The following SHANK1 variants were observed in gnomAD, a reference collection of about 807,000 sequenced individuals.
SHANK1 encodes the protein SH3 and multiple ankyrin repeat domains 1.
A neutral mutation model predicts 165.6 loss-of-function variants in SHANK1; 35 were observed. The observed-to-expected ratio is 0.21, with a 90% CI of 0.16 to 0.28. SHANK1 has a LOEUF of 0.28. Ranked by LOEUF, SHANK1 falls within the 10% of genes least tolerant of loss-of-function variation. The pLI is 1.00. For missense variants in SHANK1, 2,681 were observed against 3,036.4 expected (o/e 0.88, Z 2.75); for synonymous variants, 1,428 against 1,384.8 (o/e 1.03, Z -0.69).
Position 50,668,650 on chromosome 19 carries a change from G to A in SHANK1, c.3310C>T (p.Arg1104Cys). 1.5e-6 allele frequency: 2 copies of A among 1,363,674 alleles called. No homozygotes were observed. The highest frequency in any genetic ancestry group is 3.2e-5 in the East Asian group (1 of 31,344). 84.5% of individuals were successfully genotyped at this position (1,363,674 alleles called of 1,614,324 possible). ...TTGACCAGCGGGCCCTTGCGGCCGC[G>A]GCCCGAGCGGGCGGGCACGTACATG... is the stretch of plus-strand genomic sequence containing the variant. ...AAMYVPARSG[R>C]GRKGPLVKQT... Residue 1104 changes from arginine (R) to cysteine (C), a missense_variant, in exon 23 of 24, where the codon CGC (arginine) becomes TGC (cysteine). By Grantham distance (180) the Arg-to-Cys change is radical. Coordinates refer to ENST00000293441, the MANE Select transcript of SHANK1 (RefSeq NM_016148.5).
At chr19:50,689,301 TG>T (rs750168791) in intron 15 of SHANK1, 22 bp from the exon 16 acceptor site, 29 of 756,096 alleles carry the variant, frequency 3.8e-5, no homozygotes, top group Admixed American at 2.3e-4. Flanking sequence ...GCAGGAGAAA[TG>T]GGGGGGTGGT....
intron 8 of SHANK1, among the ~76,000 whole-genome samples, chr19:50,707,881 CTTTTCTTTTCTTTTCTTT>C (rs2088959350): frequency 3.9e-4 from 1 of 2,596 alleles, no homozygotes; most frequent in African/African-American, 2.8e-3. Context: ...GCGTGTTTTT[CTTTTCTTTTCTTTTCTTT>C]TCTTTTCTTT....
chr19:50,686,601 C>T lies in SHANK1; in HGVS notation c.2458+143G>A. 3.1e-6 allele frequency: 2 copies of T among 649,338 alleles called. No homozygotes were observed. The highest frequency in any genetic ancestry group is 2.9e-5 in the Admixed American group (1 of 34,820). 40.2% of individuals were successfully genotyped at this position (649,338 alleles called of 1,614,324 possible). On this transcript the variant is annotated intron_variant, in intron 20 of 23. Coordinates refer to ENST00000293441, the MANE Select transcript of SHANK1 (RefSeq NM_016148.5). This position sits in a 1 kb window ranked among gnomAD's most constrained non-coding sequence, Gnocchi z 5.7. ...GAACGGGGCAGCCGTCGGGAGAGGG[C>T]GGGCGGAGGGAGGGGAGGTGGGATC...
intron 15 of SHANK1, among the ~76,000 whole-genome samples, chr19:50,695,774 C>T (rs965796342): frequency 5.3e-5 from 8 of 152,110 alleles, no homozygotes; most frequent in African/African-American, 1.9e-4. Context: ...TCAGACTGGG[C>T]CCCAAGGCCA....
rs1199168324 is a variant in SHANK1 at position 50,666,850 on chromosome 19, C to T, written c.5110G>A (p.Gly1704Ser). 1 of 1,560,516 alleles carries T rather than the reference C, an allele frequency of 6.4e-7. No individual in the cohort carries two copies. The change falls in exon 23 of 24, where the codon GGT (glycine) becomes AGT (serine). Residue 1704 changes from glycine to serine, a missense_variant. Coordinates refer to ENST00000293441, the MANE Select transcript of SHANK1 (RefSeq NM_016148.5). ...CCCCCACCCCCTGCGCTGCCACCAC[C>T]TTCGGCAGATAGGCTGCTCAGCGTG... is the stretch of plus-strand genomic sequence containing the variant. ...ASTLSSLSAEGGGSAGGGGGA... is the reference protein window; with the variant it reads ...ASTLSSLSAESGGSAGGGGGA...
intron 23 of SHANK1, among the ~76,000 whole-genome samples, chr19:50,665,990 A>G (rs551580179): frequency 1.1e-4 from 17 of 151,610 alleles, no homozygotes; most frequent in Middle Eastern, 3.4e-3. Flanking sequence ...CAGCCTGGGC[A>G]ACAAGAGTGA....
rs1038111798 is a variant in SHANK1, at chr19:50,697,379, C to T, written c.1937+210G>A. Among the ~76,000 whole-genome samples the T allele has an allele frequency of 2.0e-5, 3 of 152,194 alleles. No individual in the cohort carries two copies. The highest frequency in any genetic ancestry group is 4.4e-5 in the Non-Finnish European group (3 of 68,030). Reference sequence around the variant, plus strand: ...GACCACCCCGTTGTCTCTGGCTACCCCAGAGCTGGGCAGTCTTAGTGGCTG... The same window carrying T: ...GACCACCCCGTTGTCTCTGGCTACCTCAGAGCTGGGCAGTCTTAGTGGCTG... On this transcript the variant is annotated intron_variant, in intron 14 of 23. Coordinates refer to ENST00000293441, the MANE Select transcript of SHANK1 (RefSeq NM_016148.5). This position sits in a 1 kb window ranked among gnomAD's most constrained non-coding sequence, Gnocchi z 4.7.
At position 50,697,291 on chromosome 19, in the gene SHANK1, A is replaced by G. The variant is rs1035999206; in HGVS notation, c.1938-169T>C. ...AGAGATGGGGCACATGAAGGAGACA[A>G]GGGCCTCCAGCCAGCCAGACATAAG... On this transcript the variant is annotated intron_variant, in intron 14 of 23. Transcript: ENST00000293441. This position sits in a 1 kb window ranked among gnomAD's most constrained non-coding sequence, Gnocchi z 4.7. Among the ~76,000 whole-genome samples, 1 of 151,370 alleles carries G rather than the reference A, an allele frequency of 6.6e-6. No individual in the cohort carries two copies. Among genetic ancestry groups the G allele is most frequent in the Admixed American group, 6.6e-5 (1 of 15,220 alleles).
intron 15 of SHANK1, 189 bp from the exon 16 acceptor site, chr19:50,689,468 A>G: frequency 2.9e-6 from 2 of 697,464 alleles, no homozygotes; most frequent in Non-Finnish European, 5.3e-6. Context: ...TCCCCCTCAG[A>G]GCCGGCATGC....
chr19:50,698,011 A>G (rs1459520729), intron 12 of SHANK1, 55 bp from the exon 13 acceptor site: 85 of 1,224,172 alleles, frequency 6.9e-5, no homozygotes, highest in Non-Finnish European at 4.7e-6. Context: ...CTGCCCCTCA[A>G]CTGCCAACAC....
chr19:50,668,472 G>A lies in SHANK1; in HGVS notation c.3488C>T (p.Pro1163Leu). 1 of 1,339,252 alleles carries A rather than the reference G, an allele frequency of 7.5e-7. No individual in the cohort carries two copies. Among genetic ancestry groups the A allele is most frequent in the Non-Finnish European group, 9.6e-7 (1 of 1,043,782 alleles). 83.0% of individuals were successfully genotyped at this position (1,339,252 alleles called of 1,614,324 possible). The change falls in exon 23 of 24, where the codon CCG becomes CTG. Residue 1163 changes from proline to leucine, a missense_variant. Physicochemically the swap from Pro to Leu is moderately conservative, Grantham distance 98. This residue lies in a region of SHANK1 where 1,713 missense variants were observed against 1,630.2 expected (regional missense o/e 1.05). Coordinates refer to ENST00000293441, the MANE Select transcript of SHANK1 (RefSeq NM_016148.5). ...IPIPTIIIKAPSTSSSGRSSQ... is the reference protein window; with the variant it reads ...IPIPTIIIKALSTSSSGRSSQ... ...GCTGCGGCCGCTGCTACTGGTGGACGGGGCCTTGATGATGATGGTGGGGAT... is the reference window on the plus strand; with the variant it reads ...GCTGCGGCCGCTGCTACTGGTGGACAGGGCCTTGATGATGATGGTGGGGAT...
Position 50,688,547 on chromosome 19 carries a change from A to G in SHANK1, c.2172+297T>C, listed in dbSNP as rs374261172. Among the ~76,000 whole-genome samples the G allele has an allele frequency of 2.0e-5, 3 of 152,074 alleles. No individual in the cohort carries two copies. The highest frequency in any genetic ancestry group is 3.9e-4 in the East Asian group (2 of 5,168). ...GGTCTCAAACTCTTGAGTTCAAGCA[A>G]TCCACCTGCTTCAGCCTCCCAAAGC... On this transcript the variant is annotated intron_variant, in intron 17 of 23. Transcript: ENST00000293441. The surrounding 1 kb of genome is among the most constrained non-coding windows in gnomAD (Gnocchi z 6.7).
chr19:50,710,405 T>C (rs2088993801), intron 8 of SHANK1, among the ~76,000 whole-genome samples: 2 of 152,190 alleles, frequency 1.3e-5, no homozygotes, highest in Admixed American at 6.5e-5. Context: ...AGCTCTGTCA[T>C]GCTAGCGCCT....
rs1986459623 is a variant in SHANK1, at chr19:50,689,143, C to T, written c.2047+54G>A. The T allele has an allele frequency of 2.8e-6, 4 of 1,444,246 alleles. No individual in the cohort carries two copies. In the East Asian group the frequency reaches 9.1e-5, roughly 33 times the overall value. The allele number at this position is 1,444,246 out of a possible 1,614,324, so 89.5% of individuals were successfully genotyped here. ...CCCTTTCCAGCCCCCATTTTCAGCC[C>T]TGCTTCTGGGGTCACAGAGCCCTTC... On this transcript the variant is annotated intron_variant, in intron 16 of 23. Transcript: ENST00000293441.
rs758566474 is a variant in SHANK1, at chr19:50,667,576, G to C, written c.4384C>G (p.Leu1462Val). ...TGCGGGGCCGGGGGCTCCGTCCCCA[G>C]CTGCAGCAGGAGGGGCCCCACCCCG... The part of the protein sequence containing the change: ...APGVGPLLLQ[L>V]GTEPPAPHPG... Residue 1462 changes from leucine to valine, a missense_variant, in exon 23 of 24, where the codon CTG becomes GTG. Leu to Val is a conservative substitution (Grantham distance 32). This residue lies in a region of SHANK1 where 1,713 missense variants were observed against 1,630.2 expected (regional missense o/e 1.05). Transcript: ENST00000293441. The surrounding 1 kb of genome is among the most constrained non-coding windows in gnomAD (Gnocchi z 5.7). 1.4e-6 allele frequency: 2 copies of C among 1,446,746 alleles called. No homozygotes were observed. The highest frequency in any genetic ancestry group is 2.9e-5 in the South Asian group (2 of 68,562). 89.6% of individuals were successfully genotyped at this position (1,446,746 alleles called of 1,614,324 possible).
rs1985111554 is a variant in SHANK1, at chr19:50,659,674, TTCTTTTGTTATTGTTCC to T, written c.*2274_*2290del. On this transcript the variant is annotated 3_prime_UTR_variant, in exon 24 of 24. Coordinates refer to ENST00000293441, the MANE Select transcript of SHANK1 (RefSeq NM_016148.5). ...TTTTTTTTCTGTTTTTTATATTTTCTTCTTTTGTTATTGTTCCTCTTTTTGCTTTTTCTCTCCTCTCC... is the reference window on the plus strand; with the variant it reads ...TTTTTTTTCTGTTTTTTATATTTTCTTCTTTTTGCTTTTTCTCTCCTCTCC... Among the ~76,000 whole-genome samples, 1 of 151,070 alleles carries T rather than the reference TTCTTTTGTTATTGTTCC, an allele frequency of 6.6e-6. No individual in the cohort carries two copies. The highest frequency in any genetic ancestry group is 6.6e-5 in the Admixed American group (1 of 15,184).
rs575394694 is a variant in SHANK1, at chr19:50,686,836, C to G, written c.2390-24G>C. 4 of 1,612,796 alleles carry G rather than the reference C, an allele frequency of 2.5e-6. No homozygotes were observed. The highest frequency in any genetic ancestry group is 3.3e-5 in the Admixed American group (2 of 59,934). On this transcript the variant is annotated intron_variant, in intron 19 of 23. Coordinates refer to ENST00000293441, the MANE Select transcript of SHANK1 (RefSeq NM_016148.5). The surrounding 1 kb of genome is among the most constrained non-coding windows in gnomAD (Gnocchi z 5.7). Reference sequence around the variant, plus strand: ...CTCTGTGGGCAAAGAACACGGATGACGCCCAGGGAGCCCCCGGGGGCGGGG... The same window carrying G: ...CTCTGTGGGCAAAGAACACGGATGAGGCCCAGGGAGCCCCCGGGGGCGGGG...
Position 50,716,504 on chromosome 19 carries a change from G to A in SHANK1, c.256-26C>T, listed in dbSNP as rs1285230103. On this transcript the variant is annotated intron_variant, in intron 2 of 23. Coordinates refer to ENST00000293441, the MANE Select transcript of SHANK1 (RefSeq NM_016148.5). The surrounding 1 kb of genome is among the most constrained non-coding windows in gnomAD (Gnocchi z 8.4). Reference sequence around the variant, plus strand: ...CTGGTTGGGGAAGAGATAGGGGCTAGGGTGGGCCAGGGGCCAGAGGAGAGC... The same window carrying A: ...CTGGTTGGGGAAGAGATAGGGGCTAAGGTGGGCCAGGGGCCAGAGGAGAGC... The A allele has an allele frequency of 6.2e-7, 1 of 1,612,134 alleles. No homozygotes were observed. Among genetic ancestry groups the A allele is most frequent in the Non-Finnish European group, 8.5e-7 (1 of 1,178,758 alleles).
Position 50,698,107 on chromosome 19 carries a change from G to A in SHANK1, c.1748-151C>T, listed in dbSNP as rs1599862587. On this transcript the variant is annotated intron_variant, in intron 12 of 23. Transcript: ENST00000293441. ...ATCTGAGGAAGGGGCGAGGAGCTTG[G>A]GGGAGACCCATATCATATCACTCTT... The A allele has an allele frequency of 4.7e-6, 3 of 635,066 alleles. No individual in the cohort carries two copies. The East Asian group carries it at 8.2e-5, about 17-fold the overall frequency. 39.3% of individuals were successfully genotyped at this position (635,066 alleles called of 1,614,324 possible).
Sources: gnomAD v4.1 joint callset for allele counts (sites outside exome capture counted in the v4.1 genomes callset) on GRCh38, gnomAD v4.1.1 for gene constraint, gnomAD v4.1.1 regional missense constraint, Gnocchi (gnomAD v3.1) non-coding constraint, MANE v1.5 for transcripts, NCBI Gene and HGNC (gene_info 2026-07-23, HGNC 2026-07-21) for gene names.